BCO1: variants seen among roughly 807,000 people sequenced by gnomAD.
BCO1 encodes the protein beta,beta-carotene 15,15'-dioxygenase.
BCO1 carries 54 observed loss-of-function variants against 56.3 expected under a neutral mutation model. The ratio of observed to expected loss-of-function variants is 0.96; its 90% CI spans 0.77 to 1.20. BCO1 has a LOEUF of 1.20. Ranked by LOEUF, BCO1 falls within the 50% of genes most tolerant of loss-of-function variation. The probability of loss-of-function intolerance (pLI) is 0.00; values close to 1 mark genes in which losing one functional copy is unlikely to be tolerated. For synonymous variants in BCO1, 318 were observed against 266.1 expected (o/e 1.20, Z -1.90); for missense variants, 801 against 690.9 (o/e 1.16, Z -1.79).
rs753104657 is a variant in BCO1, at chr16:81,265,992, GTC to G, written c.619+1207_619+1208del. ...CTATCCATCCACCCACCATCCATCT[GTC>G]TACTATCCACCGATTCATGCATGCA... is the stretch of plus-strand genomic sequence containing the variant. On this transcript the variant is annotated intron_variant, in intron 5 of 10. Coordinates refer to ENST00000258168, the MANE Select transcript of BCO1 (RefSeq NM_017429.3). 3.3e-5 allele frequency among the ~76,000 whole-genome samples: 5 copies of G among 151,070 alleles called. No individual in the cohort carries two copies. The East Asian group carries it at 9.8e-4, about 30-fold the overall frequency.
chr16:81,251,471 G>T (rs1905792676), intron 2 of BCO1, among the ~76,000 whole-genome samples: 1 of 151,890 alleles, frequency 6.6e-6, no homozygotes, highest in Non-Finnish European at 1.5e-5. Context: ...GAGGCAGGAG[G>T]ATCACTTGAG....
At position 81,290,726 on chromosome 16, in the gene BCO1, G is replaced by C. The variant is rs940977140; in HGVS notation, c.*149G>C. The C allele has an allele frequency of 6.3e-6, 4 of 630,750 alleles. No individual in the cohort carries two copies. The highest frequency in any genetic ancestry group is 1.1e-5 in the Non-Finnish European group (4 of 367,980). 39.1% of individuals were successfully genotyped at this position (630,750 alleles called of 1,614,324 possible). Reference sequence around the variant, plus strand: ...AAGGGCATGGCAAGAGAGCTTGTCAGTATCATTTCTTTCATTTTATTTTGG... The same window carrying C: ...AAGGGCATGGCAAGAGAGCTTGTCACTATCATTTCTTTCATTTTATTTTGG... On this transcript the variant is annotated 3_prime_UTR_variant, in exon 11 of 11. Coordinates refer to ENST00000258168, the MANE Select transcript of BCO1 (RefSeq NM_017429.3).
At chr16:81,277,802 A>C (rs969643354) in intron 7 of BCO1, among the ~76,000 whole-genome samples, 2 of 152,178 alleles carry the variant, frequency 1.3e-5, no homozygotes, top group Admixed American at 6.5e-5. Flanking sequence ...CTGGCCACTG[A>C]AAGCAGCCAA....
intron 7 of BCO1, among the ~76,000 whole-genome samples, chr16:81,275,261 C>T (rs9925200): frequency 0.49 from 73,932 of 152,104 alleles, 18,332 homozygotes; most frequent in East Asian, 0.77. Flanking sequence ...CCTGGGCTGA[C>T]ACTCCTGCTC....
chr16:81,277,598 T>C (rs1033416382), intron 7 of BCO1, among the ~76,000 whole-genome samples: 4 of 152,188 alleles, frequency 2.6e-5, no homozygotes, highest in African/African-American at 9.7e-5. Flanking sequence ...AAACTAGCTC[T>C]GAGAAAAAGA....
chr16:81,285,902 T>C (rs1908152720), intron 9 of BCO1, among the ~76,000 whole-genome samples: 1 of 152,204 alleles, frequency 6.6e-6, no homozygotes. Flanking sequence ...TGGGCTACAA[T>C]GTGGTAGGCA....
chr16:81,261,702 T>C (rs1236286667), intron 3 of BCO1, among the ~76,000 whole-genome samples: 2 of 152,160 alleles, frequency 1.3e-5, no homozygotes, highest in Admixed American at 6.5e-5. Context: ...AGGTGACCCA[T>C]TGGGACCCAG....
At chr16:81,243,864 A>T (rs2151925075) in intron 1 of BCO1, among the ~76,000 whole-genome samples, 1 of 152,330 alleles carries the variant, frequency 6.6e-6, no homozygotes, top group African/African-American at 2.4e-5. Context: ...ATCAGGAGGA[A>T]CTCAGGGAAA....
chr16:81,287,582 T>C (rs566442552), intron 10 of BCO1, among the ~76,000 whole-genome samples, 176 bp downstream of exon 10: 1 of 152,318 alleles, frequency 6.6e-6, no homozygotes, highest in East Asian at 1.9e-4. Flanking sequence ...CAAGACCACC[T>C]TTACTTCTGA....
In BCO1 at chr16:81,238,969, A is replaced by G; in HGVS notation, c.61A>G (p.Thr21Ala). The change falls in exon 1 of 11, where the codon ACA becomes GCA. Residue 21 changes from threonine (T) to alanine (A), a missense_variant. Transcript: ENST00000258168. ...GCTGGAGCCTGTGAGGGCCAAAGTG[A>G]CAGGTGAGCATTCTGATAAACACTG... Reference protein sequence around the residue: ...EQLEPVRAKVTGKIPAWLQGT... With the variant: ...EQLEPVRAKVAGKIPAWLQGT... 6.2e-7 allele frequency: 1 copy of G among 1,613,578 alleles called. No individual in the cohort carries two copies.
chr16:81,239,141 C>T (rs1177438645), intron 1 of BCO1, among the ~76,000 whole-genome samples, 169 bp downstream of exon 1: 1 of 151,782 alleles, frequency 6.6e-6, no homozygotes, highest in South Asian at 2.1e-4. Context: ...CACAGCCTCC[C>T]GAGTAGCTGA....
At chr16:81,259,248 C>T (rs775505738) in intron 2 of BCO1, among the ~76,000 whole-genome samples, 9 of 152,118 alleles carry the variant, frequency 5.9e-5, no homozygotes, top group South Asian at 4.1e-4. Context: ...AATTTCAGCA[C>T]TTTGGGAGGC....
intron 10 of BCO1, 79 bp downstream of exon 10, chr16:81,287,485 G>A: frequency 8.9e-7 from 1 of 1,117,680 alleles, no homozygotes; most frequent in Non-Finnish European, 1.4e-6. Context: ...TCTGGGGGCA[G>A]CTGACCCCCC....
intron 2 of BCO1, among the ~76,000 whole-genome samples, chr16:81,249,350 G>A (rs1001564661): frequency 3.9e-5 from 6 of 151,920 alleles, no homozygotes; most frequent in Admixed American, 6.6e-5. Context: ...TCCACCTCCC[G>A]GGTTCACGCC....
chr16:81,255,407 AC>A (rs1161728351), intron 2 of BCO1, among the ~76,000 whole-genome samples: 1 of 152,176 alleles, frequency 6.6e-6, no homozygotes, highest in African/African-American at 2.4e-5. Context: ...AGCCCTTTGT[AC>A]TTCATTTGGT....
intron 7 of BCO1, among the ~76,000 whole-genome samples, chr16:81,278,452 A>G (rs940949183): frequency 6.6e-6 from 1 of 152,192 alleles, no homozygotes; most frequent in Non-Finnish European, 1.5e-5. Context: ...GCCCCTTGAC[A>G]GCCCAAAGAA....
chr16:81,287,358 GCGGAA>G lies in BCO1; in HGVS notation c.1368_1372del (p.Glu457ProfsTer11). On this transcript the variant is annotated frameshift_variant, in exon 10 of 11. Transcript: ENST00000258168. LOFTEE classifies it low-confidence loss of function (END_TRUNC). ...ATGGAGAGAGGACGACTGCTGGCCA[GCGGAA>G]CCCCTGTTTGTGCCCGCGCCAGGTG... 3 of 1,614,166 alleles carry G rather than the reference GCGGAA, an allele frequency of 1.9e-6. No homozygotes were observed. Among genetic ancestry groups the G allele is most frequent in the Non-Finnish European group, 2.5e-6 (3 of 1,180,026 alleles).
rs768820868 is a variant in BCO1, at chr16:81,270,305, C to A, written c.990C>A (p.Ser330Arg). 2 of 1,614,154 alleles carry A rather than the reference C, an allele frequency of 1.2e-6. No homozygotes were observed. Among genetic ancestry groups the A allele is most frequent in the Admixed American group, 3.3e-5 (2 of 60,008 alleles). The change falls in exon 7 of 11, where the codon AGC (serine) becomes AGA (arginine). Residue 330 changes from serine (S) to arginine (R), a missense_variant. Ser to Arg is a moderately radical substitution (Grantham distance 110, BLOSUM62 -1). Transcript: ENST00000258168. Reference protein sequence around the residue: ...VFDVIAYEDNSLYQLFYLANL... With the variant: ...VFDVIAYEDNRLYQLFYLANL... ...ACGTCATTGCCTACGAGGACAACAG[C>A]CTCTACCAGCTCTTCTACCTGGCCA...
chr16:81,263,091 G>A (rs1906597841), intron 4 of BCO1: 2 of 146,570 alleles, frequency 1.4e-5, no homozygotes, highest in South Asian at 4.3e-4. Flanking sequence ...ATGGGGCTAT[G>A]TGTCCAAATG....
Sources: gnomAD v4.1 joint callset for allele counts (sites outside exome capture counted in the v4.1 genomes callset) on GRCh38, gnomAD v4.1.1 for gene constraint, MANE v1.5 for transcripts, NCBI Gene and HGNC (gene_info 2026-07-23, HGNC 2026-07-21) for gene names.